Variants in ECT2L observed in about 807,000 individuals in gnomAD.
ECT2L encodes the protein epithelial cell transforming 2 like.
In ECT2L, 126 loss-of-function variants were observed where a neutral mutation model predicts 122.8. The observed-to-expected ratio is 1.03, with a 90% CI of 0.89 to 1.19. The LOEUF (loss-of-function observed/expected upper bound fraction) is 1.19, where lower values mean the gene tolerates loss of function less well. Among genes scored for constraint, ECT2L ranks in the 50% most tolerant of loss-of-function variants. The probability of loss-of-function intolerance (pLI) is 0.00; values close to 1 mark genes in which losing one functional copy is unlikely to be tolerated. For missense variants in ECT2L, 1,012 were observed against 1,064.1 expected (o/e 0.95, Z 0.68); for synonymous variants, 385 against 381.8 (o/e 1.01, Z -0.10).
chr6:138,883,421 G>A (rs544112193), intron 16 of ECT2L, among the ~76,000 whole-genome samples: 4 of 152,240 alleles, frequency 2.6e-5, no homozygotes, highest in South Asian at 2.1e-4. Context: ...TGCTCTTGTG[G>A]GGATACCTTC....
intron 20 of ECT2L, among the ~76,000 whole-genome samples, chr6:138,897,479 A>T (rs1348977297): frequency 6.6e-6 from 1 of 152,184 alleles, no homozygotes; most frequent in Non-Finnish European, 1.5e-5. Context: ...TTTTCGCAGG[A>T]GGTCCTGGAA....
At chr6:138,818,268 G>C (rs1776136161) in intron 4 of ECT2L, among the ~76,000 whole-genome samples, 1 of 152,176 alleles carries the variant, frequency 6.6e-6, no homozygotes, top group South Asian at 2.1e-4. Context: ...GTCTCCATCA[G>C]AGCAGACTTG....
chr6:138,874,738 G>A (rs1162590255), intron 13 of ECT2L, among the ~76,000 whole-genome samples: 1 of 152,090 alleles, frequency 6.6e-6, no homozygotes, highest in Non-Finnish European at 1.5e-5. Context: ...CTTAATCTTG[G>A]CCCAACCTGA....
chr6:138,817,318 T>C (rs1353695851), intron 4 of ECT2L, among the ~76,000 whole-genome samples: 1 of 152,230 alleles, frequency 6.6e-6, no homozygotes, highest in African/African-American at 2.4e-5. Context: ...CTGGGTCCAA[T>C]GGTAGTGCAA....
At position 138,844,559 on chromosome 6, in the gene ECT2L, C is replaced by T. The variant is rs766879877; in HGVS notation, c.743C>T (p.Ser248Leu). ...TTGGAGAAACAGCTTGTTTTGACAT[C>T]GTTAGAAACCTTGCCCAAGCGGTAA... ...EALEKQLVLT[S>L]LETLPKRSNI... is the part of the protein sequence containing the mutation. Residue 248 changes from serine (S) to leucine (L), a missense_variant, in exon 7 of 22, where the codon TCG (serine) becomes TTG (leucine). Coordinates refer to ENST00000541398, the MANE Select transcript of ECT2L (RefSeq NM_001077706.3). 47 of 1,613,938 alleles carry T rather than the reference C, an allele frequency of 2.9e-5. No homozygotes were observed. Among genetic ancestry groups the T allele is most frequent in the Middle Eastern group, 1.6e-4 (1 of 6,084 alleles).
In ECT2L at chr6:138,816,728, G is replaced by A. The variant is rs573044009; in HGVS notation, c.179+2125G>A. 2.9e-3 allele frequency among the ~76,000 whole-genome samples: 439 copies of A among 152,202 alleles called. 2 individuals carry two copies. Among genetic ancestry groups the A allele is most frequent in the African/African-American group, 0.01 (418 of 41,550 alleles). ...TCTCGATCTCCTGATCTCATGATCT[G>A]CCTGCCTCGGCCTCCCAAAGTGCTG... On this transcript the variant is annotated intron_variant, in intron 4 of 21. Coordinates refer to ENST00000541398, the MANE Select transcript of ECT2L (RefSeq NM_001077706.3).
chr6:138,838,437 ATCTTT>A lies in ECT2L; in HGVS notation c.268_272del (p.Phe90LeufsTer22). 1 of 1,614,020 alleles carries A rather than the reference ATCTTT, an allele frequency of 6.2e-7. No homozygotes were observed. The highest frequency in any genetic ancestry group is 8.5e-7 in the Non-Finnish European group (1 of 1,179,970). On this transcript the variant is annotated frameshift_variant, in exon 5 of 22. Transcript: ENST00000541398. LOFTEE classifies it high-confidence loss of function. The stretch of plus-strand genomic sequence containing the variant: ...GTTACCACGCTTCATTTCTCTATAT[ATCTTT>A]TCCTTTTTGAGTCCGAAAGATTTGT...
intron 11 of ECT2L, 109 bp downstream of exon 11, chr6:138,862,828 CT>C: frequency 1.2e-6 from 1 of 806,494 alleles, no homozygotes. Context: ...ATCCATTACT[CT>C]CTTTCATTCC....
chr6:138,811,748 T>C (rs865954429), intron 1 of ECT2L, among the ~76,000 whole-genome samples: 53 of 152,322 alleles, frequency 3.5e-4, no homozygotes, highest in African/African-American at 1.2e-3. Context: ...GGCGCGATCA[T>C]GGCTCACTAC....
chr6:138,864,932 C>A (rs1777971974), intron 11 of ECT2L, 64 bp from the exon 12 acceptor site: 2 of 1,469,724 alleles, frequency 1.4e-6, no homozygotes, highest in Non-Finnish European at 1.8e-6. Context: ...GTACTTTAAA[C>A]AAGATGTAGA....
At chr6:138,861,298 C>T (rs1474536176) in intron 10 of ECT2L, among the ~76,000 whole-genome samples, 6 of 152,162 alleles carry the variant, frequency 3.9e-5, no homozygotes, top group Non-Finnish European at 5.9e-5. Context: ...CTTGAGGAAT[C>T]GCCACACTGT....
chr6:138,845,929 G>T (rs1165904501), intron 7 of ECT2L, among the ~76,000 whole-genome samples: 1 of 152,016 alleles, frequency 6.6e-6, no homozygotes, highest in Non-Finnish European at 1.5e-5. Flanking sequence ...AAAAAATCTG[G>T]GTGTGATGGT....
intron 4 of ECT2L, among the ~76,000 whole-genome samples, chr6:138,820,140 G>A (rs2128377229): frequency 6.6e-6 from 1 of 152,178 alleles, no homozygotes; most frequent in South Asian, 2.1e-4. Context: ...CTTCAGGAGT[G>A]GCTGGTAAGT....
At chr6:138,828,428 C>A (rs1433023583) in intron 4 of ECT2L, among the ~76,000 whole-genome samples, 1 of 152,136 alleles carries the variant, frequency 6.6e-6, no homozygotes, top group African/African-American at 2.4e-5. Flanking sequence ...TCTGCCTCCC[C>A]TTTTCCTGAA....
chr6:138,853,255 C>A (rs889962055), intron 9 of ECT2L, among the ~76,000 whole-genome samples: 1 of 152,124 alleles, frequency 6.6e-6, no homozygotes, highest in Non-Finnish European at 1.5e-5. Context: ...CGTGAGCCAC[C>A]GCGCCTGGCC....
At chr6:138,834,354 C>G (rs888430413) in intron 4 of ECT2L, among the ~76,000 whole-genome samples, 3 of 151,968 alleles carry the variant, frequency 2.0e-5, no homozygotes, top group African/African-American at 7.3e-5. Flanking sequence ...TTTAATGTGA[C>G]GGAAGCATTT....
At chr6:138,866,149 G>GTTTT (rs56300933) in intron 12 of ECT2L, among the ~76,000 whole-genome samples, 1,827 of 134,396 alleles carry the variant, frequency 0.014, 44 homozygotes, top group African/African-American at 0.043. Flanking sequence ...ATTTTTCATA[G>GTTTT]TTTTTTTTTT....
intron 20 of ECT2L, among the ~76,000 whole-genome samples, chr6:138,892,031 TTCTG>T (rs1333085889): frequency 6.6e-6 from 1 of 152,226 alleles, no homozygotes; most frequent in African/African-American, 2.4e-5. Context: ...CAGATATTTC[TTCTG>T]TCTCTCTTCA....
intron 1 of ECT2L, among the ~76,000 whole-genome samples, chr6:138,810,839 T>C (rs1775867625): frequency 6.6e-6 from 1 of 152,342 alleles, no homozygotes; most frequent in African/African-American, 2.4e-5. Context: ...CCTGTATCTA[T>C]AGAGAGACCC....
Sources: allele counts gnomAD v4.1 joint callset (sites outside exome capture counted in the v4.1 genomes callset), GRCh38; gene constraint gnomAD v4.1.1; transcripts MANE v1.5; gene names NCBI Gene and HGNC (gene_info 2026-07-23, HGNC 2026-07-21).